Variants in PDE1A observed in about 807,000 individuals in gnomAD.
PDE1A encodes the protein dual specificity calcium/calmodulin-dependent 3',5'-cyclic nucleotide phosphodiesterase 1A.
PDE1A carries 35 observed loss-of-function variants against 61.7 expected under a neutral mutation model. The observed-to-expected ratio is 0.57, with a 90% CI of 0.43 to 0.75. PDE1A has a LOEUF of 0.75. PDE1A is among the 30% of genes least tolerant of loss of function. PDE1A has a pLI of 0.00. For synonymous variants in PDE1A, 232 were observed against 213.2 expected, an observed-to-expected ratio of 1.09 and a Z score of -0.77; for missense variants, 597 against 630.6, an observed-to-expected ratio of 0.95 and a Z score of 0.57.
chr2:182,163,485 TAAC>T (rs1309271305), downstream of PDE1A, among the ~76,000 whole-genome samples: 1 of 152,142 alleles, frequency 6.6e-6, no homozygotes, highest in Admixed American at 6.6e-5. Context: ...GAGCAAGAAG[TAAC>T]AACCACTGTG....
intron 2 of PDE1A, among the ~76,000 whole-genome samples, chr2:182,510,886 C>T (rs886664082): frequency 1.6e-4 from 24 of 152,082 alleles, no homozygotes; most frequent in Admixed American, 5.9e-4. Flanking sequence ...TGAAGAGAAA[C>T]CTGGGGAGTG....
At chr2:182,353,209 A>T (rs1031340167) in intron 1 of PDE1A, among the ~76,000 whole-genome samples, 1 of 152,218 alleles carries the variant, frequency 6.6e-6, no homozygotes, top group African/African-American at 2.4e-5. Flanking sequence ...CTAAAAATTA[A>T]TCTGCTAATT....
chr2:182,336,470 G>C (rs1345445952), intron 1 of PDE1A, among the ~76,000 whole-genome samples: 1 of 152,110 alleles, frequency 6.6e-6, no homozygotes, highest in Non-Finnish European at 1.5e-5. Flanking sequence ...CCTTTGCAGG[G>C]ACATGGATGA....
chr2:182,646,522 T>C, the PDE1A span, among the ~76,000 whole-genome samples: 2 of 151,262 alleles, frequency 1.3e-5, no homozygotes, highest in East Asian at 1.9e-4. Context: ...ATCATGTCTC[T>C]AAAAATACAA....
intron 1 of PDE1A, among the ~76,000 whole-genome samples, chr2:182,353,090 T>C (rs1425917470): frequency 6.6e-6 from 1 of 152,168 alleles, no homozygotes; most frequent in Non-Finnish European, 1.5e-5. Context: ...CAATTACATA[T>C]GGAAAAGTCA....
At chr2:182,290,804 A>G (rs1694477456) in intron 1 of PDE1A, among the ~76,000 whole-genome samples, 1 of 151,854 alleles carries the variant, frequency 6.6e-6, no homozygotes. Flanking sequence ...ACCTATCAGC[A>G]CCTCCTACTT....
the PDE1A span, among the ~76,000 whole-genome samples, chr2:182,566,826 G>A: frequency 6.6e-6 from 1 of 152,102 alleles, no homozygotes; most frequent in Non-Finnish European, 1.5e-5. Flanking sequence ...CACTGCTATG[G>A]AAATATTTTT....
At chr2:182,662,896 C>G in the PDE1A span, among the ~76,000 whole-genome samples, 1 of 152,010 alleles carries the variant, frequency 6.6e-6, no homozygotes, top group South Asian at 2.1e-4. Context: ...AACGGACAAC[C>G]TAGAGAATGG....
exon 15 of PDE1A, chr2:182,141,697 C>A (rs1438504671): frequency 6.6e-6 from 1 of 152,156 alleles, no homozygotes; most frequent in East Asian, 1.9e-4. Flanking sequence ...TCCAATTGTA[C>A]CCTTTTCTAA....
chr2:182,663,621 T>C, the PDE1A span, among the ~76,000 whole-genome samples: 105,260 of 152,030 alleles, frequency 0.69, 36,841 homozygotes, highest in African/African-American at 0.76. Flanking sequence ...GAGCTAAATG[T>C]TGAGAACACA....
chr2:182,646,322 C>A, the PDE1A span, among the ~76,000 whole-genome samples: 2 of 145,678 alleles, frequency 1.4e-5, no homozygotes, highest in African/African-American at 2.5e-5. Flanking sequence ...CATAGTGGTG[C>A]GTACCTGTAG....
At chr2:182,602,992 C>CACACACACACACAT in the PDE1A span, among the ~76,000 whole-genome samples, 7 of 130,390 alleles carry the variant, frequency 5.4e-5, no homozygotes, top group African/African-American at 1.7e-4. Flanking sequence ...CACACACACA[C>CACACACACACACAT]ACATACATAC....
chr2:182,629,046 T>C, the PDE1A span, among the ~76,000 whole-genome samples: 1 of 152,166 alleles, frequency 6.6e-6, no homozygotes, highest in African/African-American at 2.4e-5. Context: ...GAGAGGGCCA[T>C]GTGACAAGGA....
At chr2:182,699,430 C>T in the PDE1A span, among the ~76,000 whole-genome samples, 1 of 152,152 alleles carries the variant, frequency 6.6e-6, no homozygotes. Context: ...AAGAATAAAG[C>T]ACTGGTGATT....
intron 1 of PDE1A, among the ~76,000 whole-genome samples, chr2:182,425,985 C>T (rs1703596172): frequency 1.3e-5 from 2 of 152,196 alleles, no homozygotes; most frequent in South Asian, 4.1e-4. Context: ...GTACCTCCCT[C>T]CAAAATTAAA....
chr2:182,180,560 G>A (rs1684674160), intron 13 of PDE1A, among the ~76,000 whole-genome samples: 1 of 152,036 alleles, frequency 6.6e-6, no homozygotes, highest in African/African-American at 2.4e-5. Flanking sequence ...AAAATTACGT[G>A]TCCTGGCGTT....
intron 2 of PDE1A, among the ~76,000 whole-genome samples, chr2:182,449,868 A>G (rs1685397648): frequency 6.6e-6 from 1 of 152,072 alleles, no homozygotes; most frequent in South Asian, 2.1e-4. Flanking sequence ...ATAACTGAAG[A>G]GAATCAGAGT....
At chr2:182,270,776 C>T (rs986924812) in intron 1 of PDE1A, among the ~76,000 whole-genome samples, 1 of 151,246 alleles carries the variant, frequency 6.6e-6, no homozygotes, top group Non-Finnish European at 1.5e-5. Context: ...CGCATGAAAT[C>T]GCATAAATAG....
At chr2:182,310,920 C>T (rs1201275132) in intron 1 of PDE1A, among the ~76,000 whole-genome samples, 1 of 152,186 alleles carries the variant, frequency 6.6e-6, no homozygotes, top group African/African-American at 2.4e-5. Flanking sequence ...TTATGCCTGT[C>T]CTCCAAAATC....
Sources: gnomAD v4.1 joint callset for allele counts (sites outside exome capture counted in the v4.1 genomes callset) on GRCh38, gnomAD v4.1.1 for gene constraint, MANE v1.5 for transcripts, NCBI Gene and HGNC (gene_info 2026-07-23, HGNC 2026-07-21) for gene names.